DIP2C: variants seen among roughly 807,000 people sequenced by gnomAD.
The protein encoded by DIP2C is disco-interacting protein 2 homolog C.
In DIP2C, 33 loss-of-function variants were observed where a neutral mutation model predicts 192.4. The observed-to-expected ratio is 0.17, with a 90% CI of 0.13 to 0.23. DIP2C has a LOEUF of 0.23. Ranked by LOEUF, DIP2C falls within the 10% of genes least tolerant of loss-of-function variation. The pLI is 1.00. For synonymous variants in DIP2C, 979 were observed against 864.1 expected (o/e 1.13, Z -2.33); for missense variants, 1,537 against 2,110.1 (o/e 0.73, Z 5.32).
At chr10:637,554 A>G (rs1056277220) in intron 1 of DIP2C, among the ~76,000 whole-genome samples, 1 of 152,166 alleles carries the variant, frequency 6.6e-6, no homozygotes, top group Admixed American at 6.5e-5. Flanking sequence ...AGTCCCTTTT[A>G]TGAGGGCACA....
Position 545,547 on chromosome 10 carries a change from C to T in DIP2C, c.86-59017G>A, listed in dbSNP as rs550516057. On this transcript the variant is annotated intron_variant, in intron 1 of 36. Coordinates refer to ENST00000280886, the MANE Select transcript of DIP2C (RefSeq NM_014974.3). ...GAAACCCATGAGGACACAGAGAAGACGCCGTCTACACAGAATGGGGTGAGG... is the reference window on the plus strand; with the variant it reads ...GAAACCCATGAGGACACAGAGAAGATGCCGTCTACACAGAATGGGGTGAGG... Among the ~76,000 whole-genome samples the T allele has an allele frequency of 3.3e-5, 5 of 152,272 alleles. No individual in the cohort carries two copies. The East Asian group carries it at 7.7e-4, about 24-fold the overall frequency.
At chr10:428,348 A>G (rs1589773290) in intron 4 of DIP2C, among the ~76,000 whole-genome samples, 1 of 152,308 alleles carries the variant, frequency 6.6e-6, no homozygotes, top group Non-Finnish European at 1.5e-5. Flanking sequence ...TTCTGCTGAT[A>G]ACATATTCTC....
At chr10:311,055 A>C (rs1956545057) in intron 31 of DIP2C, among the ~76,000 whole-genome samples, 1 of 152,046 alleles carries the variant, frequency 6.6e-6, no homozygotes, top group Non-Finnish European at 1.5e-5. Context: ...ATGAAAACAT[A>C]CCATAGTACT....
intron 1 of DIP2C, among the ~76,000 whole-genome samples, chr10:603,818 G>C (rs1368268959): frequency 5.3e-5 from 8 of 152,264 alleles, no homozygotes; most frequent in African/African-American, 1.7e-4. Context: ...GAAGTCAAGG[G>C]GTCAGTAGGC....
intron 3 of DIP2C, among the ~76,000 whole-genome samples, chr10:453,152 G>A (rs1295388304): frequency 6.6e-6 from 1 of 152,178 alleles, no homozygotes; most frequent in Non-Finnish European, 1.5e-5. Flanking sequence ...CATAAAATGA[G>A]CTGATAAATG....
chr10:362,768 A>G, intron 21 of DIP2C, 77 bp from the exon 22 acceptor site: 1 of 1,444,850 alleles, frequency 6.9e-7, no homozygotes, highest in Non-Finnish European at 9.4e-7. Flanking sequence ...GCAAAATATG[A>G]TCCACAATAC....
At chr10:546,278 A>T (rs867033038) in intron 1 of DIP2C, among the ~76,000 whole-genome samples, 24,906 of 80,380 alleles carry the variant, frequency 0.31, 3,477 homozygotes, top group African/African-American at 0.54. Context: ...CAAGACTCTT[A>T]AAAAAAAAAA....
chr10:390,916 C>T, intron 10 of DIP2C, 53 bp from the exon 11 acceptor site: 2 of 1,597,462 alleles, frequency 1.3e-6, no homozygotes, highest in South Asian at 2.3e-5. Flanking sequence ...CCACTCCGCC[C>T]AGCCTTCGGC....
intron 7 of DIP2C, among the ~76,000 whole-genome samples, chr10:415,108 G>A (rs1965544182): frequency 6.6e-6 from 1 of 151,766 alleles, no homozygotes. Flanking sequence ...GTATTTTCCT[G>A]AGTAAAACTA....
chr10:451,697 C>T (rs1292621524), intron 3 of DIP2C, among the ~76,000 whole-genome samples: 3 of 152,102 alleles, frequency 2.0e-5, no homozygotes, highest in Non-Finnish European at 2.9e-5. Flanking sequence ...TCAACATTTG[C>T]GAAGTTTTCT....
intron 32 of DIP2C, among the ~76,000 whole-genome samples, chr10:306,380 T>C (rs1956320698): frequency 6.6e-6 from 1 of 152,164 alleles, no homozygotes; most frequent in Admixed American, 6.5e-5. Flanking sequence ...ACAATGGTGG[T>C]CTTCCTCTGT....
intron 8 of DIP2C, among the ~76,000 whole-genome samples, chr10:410,142 G>A (rs553462468): frequency 1.0e-3 from 154 of 152,244 alleles, no homozygotes; most frequent in African/African-American, 3.5e-3. Context: ...GAGTTCCTTA[G>A]ATTAGTGTTA....
At chr10:672,598 A>G (rs1340346499) in intron 1 of DIP2C, among the ~76,000 whole-genome samples, 2 of 152,252 alleles carry the variant, frequency 1.3e-5, no homozygotes, top group Non-Finnish European at 2.9e-5. Flanking sequence ...CACTCTGCAT[A>G]AAAGAACTAA....
chr10:685,437 C>T (rs902085665), intron 1 of DIP2C, among the ~76,000 whole-genome samples: 9 of 151,930 alleles, frequency 5.9e-5, no homozygotes, highest in African/African-American at 1.9e-4. Context: ...CCACAGAGTA[C>T]AAAGCATGGC....
At chr10:296,480 C>T (rs1427471744) in intron 32 of DIP2C, among the ~76,000 whole-genome samples, 1 of 152,134 alleles carries the variant, frequency 6.6e-6, no homozygotes, top group Non-Finnish European at 1.5e-5. Flanking sequence ...GACATTGTGG[C>T]AATTCCTCAA....
chr10:496,968 CAA>C (rs974233354), intron 1 of DIP2C, among the ~76,000 whole-genome samples: 136 of 152,234 alleles, frequency 8.9e-4, no homozygotes, highest in Non-Finnish European at 4.7e-4. Context: ...AGTAAAAATA[CAA>C]AAAGTTAGCC....
At chr10:469,315 ATTTTTTT>A (rs11348709) in intron 3 of DIP2C, among the ~76,000 whole-genome samples, 4 of 102,282 alleles carry the variant, frequency 3.9e-5, no homozygotes, top group African/African-American at 1.3e-4. Context: ...ACTGGTACTG[ATTTTTTT>A]TTTTTTTTTT....
intron 1 of DIP2C, among the ~76,000 whole-genome samples, chr10:670,842 C>A (rs1467657619): frequency 6.6e-6 from 1 of 152,110 alleles, no homozygotes; most frequent in African/African-American, 2.4e-5. Context: ...GAATTTTGTA[C>A]CAGTAATGGC....
intron 1 of DIP2C, among the ~76,000 whole-genome samples, chr10:607,666 G>A (rs1852594648): frequency 2.0e-5 from 3 of 152,288 alleles, no homozygotes; most frequent in South Asian, 4.1e-4. Flanking sequence ...CCCAAACGAT[G>A]CAATGAGTGT....
Sources: allele counts gnomAD v4.1 joint callset (sites outside exome capture counted in the v4.1 genomes callset), GRCh38; gene constraint gnomAD v4.1.1; transcripts MANE v1.5; gene names NCBI Gene and HGNC (gene_info 2026-07-23, HGNC 2026-07-21).